Variants in TAB3 observed in about 807,000 individuals in gnomAD.
The protein encoded by TAB3 is TGF-beta activated kinase 1 (MAP3K7) binding protein 3, also known as TGF-beta-activated kinase 1 and MAP3K7-binding protein 3.
TAB3 carries 18 observed loss-of-function variants against 48.1 expected under a neutral mutation model. That is an observed-to-expected ratio of 0.37 (90% CI 0.26 to 0.55). TAB3 has a LOEUF of 0.55. TAB3 is among the 20% of genes least tolerant of loss of function. TAB3 has a pLI of 0.78. For missense variants in TAB3, 414 were observed against 549.8 expected (o/e 0.75, Z 2.47); for synonymous variants, 185 against 190.2 (o/e 0.97, Z 0.22).
chrX:30,848,099 C>CG (rs35873601), intron 7 of TAB3, among the ~76,000 whole-genome samples: 1 of 112,035 alleles, frequency 8.9e-6, no homozygotes, highest in Non-Finnish European at 1.9e-5. Context: ...AAGAACCTGT[C>CG]GGGAAAGTCA....
chrX:30,832,009 TG>T (rs1345187985), intron 10 of TAB3, among the ~76,000 whole-genome samples: 1 of 112,231 alleles, frequency 8.9e-6, no homozygotes, highest in Non-Finnish European at 1.9e-5. Context: ...TCTGACTAAA[TG>T]TGTGCCTTCT....
chrX:30,829,928 T>C lies in TAB3; in HGVS notation c.*1499A>G, dbSNP rs1313717852. 9.1e-6 allele frequency: 1 copy of C among 110,157 alleles called. No individual in the cohort carries two copies. The highest frequency in any genetic ancestry group is 2.8e-4 in the East Asian group (1 of 3,514). The allele number at this position is 110,157 out of a possible 1,213,427, so 9.1% of individuals were successfully genotyped here. On this transcript the variant is annotated 3_prime_UTR_variant, in exon 11 of 11. Coordinates refer to ENST00000288422, the MANE Select transcript of TAB3 (RefSeq NM_152787.5). ...GACGATATCCTCAGGTAAAATCCTT[T>C]AGGATGGGAGAACCTACTAACTTTA... is the stretch of plus-strand genomic sequence containing the variant.
intron 2 of TAB3, among the ~76,000 whole-genome samples, chrX:30,867,876 A>G (rs1268438506): frequency 9.1e-6 from 1 of 110,278 alleles, no homozygotes; most frequent in Admixed American, 9.8e-5. Flanking sequence ...TTCTATTTAG[A>G]AAAGAGAGGA....
intron 4 of TAB3, among the ~76,000 whole-genome samples, chrX:30,861,833 ATT>A (rs1746936992): frequency 8.9e-6 from 1 of 112,404 alleles, no homozygotes; most frequent in African/African-American, 3.2e-5. Context: ...TGTCAAAAGT[ATT>A]GTTTTAAATG....
At chrX:30,866,870 TAAA>T (rs77868699) in intron 4 of TAB3, among the ~76,000 whole-genome samples, 4 of 74,714 alleles carry the variant, frequency 5.4e-5, no homozygotes, top group Admixed American at 1.6e-4. Flanking sequence ...AAGGGGTGTT[TAAA>T]AAAAAAAAAA....
intron 1 of TAB3, among the ~76,000 whole-genome samples, chrX:30,877,816 G>C (rs1170556806): frequency 9.0e-6 from 1 of 111,464 alleles, no homozygotes; most frequent in Non-Finnish European, 1.9e-5. Flanking sequence ...TTTCAAAAAA[G>C]AATGATTATC....
intron 7 of TAB3, among the ~76,000 whole-genome samples, chrX:30,848,935 G>A (rs1938732244): frequency 9.2e-6 from 1 of 108,502 alleles, no homozygotes; most frequent in African/African-American, 3.4e-5. Context: ...GAATGGGGGG[G>A]AATAACTTGA....
chrX:30,856,921 T>G (rs983382346), intron 5 of TAB3, among the ~76,000 whole-genome samples: 1 of 111,516 alleles, frequency 9.0e-6, no homozygotes, highest in Non-Finnish European at 1.9e-5. Context: ...TCTTTCCACA[T>G]GATAATTTCA....
intron 7 of TAB3, among the ~76,000 whole-genome samples, chrX:30,852,369 A>T (rs1938886454): frequency 8.9e-6 from 1 of 112,175 alleles, no homozygotes; most frequent in East Asian, 2.8e-4. Flanking sequence ...AACTCATCTG[A>T]ATTAATGTAC....
intron 8 of TAB3, chrX:30,845,329 AAGTT>A (rs1246148946): frequency 5.3e-5 from 6 of 112,198 alleles, no homozygotes; most frequent in African/African-American, 1.9e-4. Flanking sequence ...CTATATTTTA[AAGTT>A]AGTTAGATAA....
In TAB3 at chrX:30,854,710, T is replaced by A; in HGVS notation, c.955A>T (p.Ile319Phe). 7.4e-6 allele frequency: 9 copies of A among 1,211,621 alleles called. No homozygotes were observed. Among genetic ancestry groups the A allele is most frequent in the Non-Finnish European group, 1.0e-5 (9 of 895,443 alleles). The stretch of plus-strand genomic sequence containing the variant: ...GTTGAAGGACTAGGTGGCATAAAGA[T>A]GTGGCCCAACTGGGAAGGTTGCACT... Reference protein sequence around the residue: ...HQVQPSQLGHIFMPPSPSTTP... With the variant: ...HQVQPSQLGHFFMPPSPSTTP... Residue 319 changes from isoleucine (I) to phenylalanine (F), a missense_variant, in exon 6 of 11, where the codon ATC (isoleucine) becomes TTC (phenylalanine). Physicochemically the swap from Ile to Phe is conservative, Grantham distance 21. Coordinates refer to ENST00000288422, the MANE Select transcript of TAB3 (RefSeq NM_152787.5).
At chrX:30,838,894 T>A (rs1407311478) in intron 9 of TAB3, among the ~76,000 whole-genome samples, 1 of 111,984 alleles carries the variant, frequency 8.9e-6, no homozygotes, top group Non-Finnish European at 1.9e-5. Flanking sequence ...TTAGTTCTAA[T>A]AGTTAGTTGT....
chrX:30,841,536 A>G (rs77657831), intron 9 of TAB3, among the ~76,000 whole-genome samples: 1 of 109,666 alleles, frequency 9.1e-6, no homozygotes, highest in Non-Finnish European at 1.9e-5. Context: ...AAAAAAAAAA[A>G]CACTCTGTAA....
At chrX:30,838,030 T>C (rs1938292291) in intron 9 of TAB3, among the ~76,000 whole-genome samples, 2 of 112,491 alleles carry the variant, frequency 1.8e-5, no homozygotes, top group Non-Finnish European at 3.8e-5. Flanking sequence ...CAGTGATCTA[T>C]TTGTTTATTC....
intron 7 of TAB3, among the ~76,000 whole-genome samples, chrX:30,847,245 T>C (rs1479117843): frequency 9.1e-6 from 1 of 110,363 alleles, no homozygotes; most frequent in Non-Finnish European, 1.9e-5. Flanking sequence ...TATAAATATT[T>C]TTGTCATATT....
At chrX:30,833,921 C>A in intron 10 of TAB3, 130 bp downstream of exon 10, 1 of 498,204 alleles carries the variant, frequency 2.0e-6, no homozygotes, top group South Asian at 3.9e-5. Flanking sequence ...TTCTACTGGA[C>A]AGCACAGCCT....
At chrX:30,846,410 G>A (rs1938625202) in intron 8 of TAB3, 141 bp downstream of exon 8, 5 of 438,450 alleles carry the variant, frequency 1.1e-5, no homozygotes, top group Non-Finnish European at 1.1e-5. Context: ...ATGACCATGG[G>A]ACAGGGGGAT....
rs1035246510 is a variant in TAB3 at position 30,847,440 on chromosome X, A to C, written c.1711-796T>G. Reference sequence around the variant, plus strand: ...GAGAGTCCTAATCTTCTATTCAGTAAAGCTTTTTGGAAGCCTTTACTTCCC... The same window carrying C: ...GAGAGTCCTAATCTTCTATTCAGTACAGCTTTTTGGAAGCCTTTACTTCCC... On this transcript the variant is annotated intron_variant, in intron 7 of 10. Coordinates refer to ENST00000288422, the MANE Select transcript of TAB3 (RefSeq NM_152787.5). Among the ~76,000 whole-genome samples the C allele has an allele frequency of 2.8e-5, 3 of 108,270 alleles. No homozygotes were observed. The Admixed American group carries it at 3.0e-4, about 11-fold the overall frequency. The allele number at this position is 108,270 out of a possible 115,157, so 94.0% of individuals were successfully genotyped here.
At chrX:30,847,904 ATATT>A (rs1328378948) in intron 7 of TAB3, among the ~76,000 whole-genome samples, 2 of 112,516 alleles carry the variant, frequency 1.8e-5, no homozygotes, top group Admixed American at 9.4e-5. Context: ...TCGTTTAGAA[ATATT>A]TATTATGGAC....
Sources: gnomAD v4.1 joint callset for allele counts (sites outside exome capture counted in the v4.1 genomes callset) on GRCh38, gnomAD v4.1.1 for gene constraint, MANE v1.5 for transcripts, NCBI Gene and HGNC (gene_info 2026-07-23, HGNC 2026-07-21) for gene names.